KIF6: variants seen among roughly 807,000 people sequenced by gnomAD.
KIF6 encodes kinesin family member 6.
KIF6 carries 106 observed loss-of-function variants against 112.7 expected under a neutral mutation model. The observed-to-expected ratio is 0.94, with a 90% CI of 0.80 to 1.11. KIF6 has a LOEUF of 1.11. KIF6 is among the 50% of genes least tolerant of loss of function. KIF6 has a pLI of 0.00. For missense variants in KIF6, 929 were observed against 964.0 expected (o/e 0.96, Z 0.48); for synonymous variants, 339 against 339.9 (o/e 1.00, Z 0.03).
intron 3 of KIF6, among the ~76,000 whole-genome samples, chr6:39,680,233 C>A (rs891844915): frequency 6.6e-6 from 1 of 151,822 alleles, no homozygotes. Context: ...GTTTTGAACT[C>A]CTGACCTCAA....
At chr6:39,623,420 T>C (rs1411350503) in intron 5 of KIF6, among the ~76,000 whole-genome samples, 1 of 152,178 alleles carries the variant, frequency 6.6e-6, no homozygotes, top group Non-Finnish European at 1.5e-5. Context: ...AGAAACAGAT[T>C]AATAACTATC....
chr6:39,357,894 T>C (rs7747923), intron 18 of KIF6, among the ~76,000 whole-genome samples: 3 of 152,252 alleles, frequency 2.0e-5, no homozygotes, highest in Non-Finnish European at 4.4e-5. Flanking sequence ...TGGGTAATGT[T>C]TAATTTATTC....
intron 16 of KIF6, among the ~76,000 whole-genome samples, chr6:39,364,545 G>A (rs1173393474): frequency 6.6e-6 from 1 of 152,156 alleles, no homozygotes; most frequent in Non-Finnish European, 1.5e-5. Context: ...GGTCTGAAAG[G>A]TATAGAGTAG....
At chr6:39,636,995 C>T (rs746787695) in intron 4 of KIF6, among the ~76,000 whole-genome samples, 2 of 151,968 alleles carry the variant, frequency 1.3e-5, no homozygotes, top group Non-Finnish European at 1.5e-5. Flanking sequence ...AAGTGTGTGG[C>T]CCATAACAGA....
chr6:39,369,698 T>G (rs1293311141), intron 16 of KIF6, among the ~76,000 whole-genome samples: 1 of 152,148 alleles, frequency 6.6e-6, no homozygotes, highest in African/African-American at 2.4e-5. Flanking sequence ...AGGGTCAGCG[T>G]GTACTAGGGT....
chr6:39,401,419 G>A (rs1303781414), intron 15 of KIF6, among the ~76,000 whole-genome samples: 2 of 152,202 alleles, frequency 1.3e-5, no homozygotes, highest in Non-Finnish European at 2.9e-5. Context: ...TAACAGACAA[G>A]GGAAGTGAGA....
intron 3 of KIF6, among the ~76,000 whole-genome samples, chr6:39,678,962 C>T (rs1016172997): frequency 2.6e-5 from 4 of 152,146 alleles, no homozygotes; most frequent in South Asian, 2.1e-4. Context: ...AGACATTCAC[C>T]GCAGAGGAAA....
chr6:39,673,838 T>G (rs1786980128), intron 3 of KIF6, among the ~76,000 whole-genome samples: 1 of 152,154 alleles, frequency 6.6e-6, no homozygotes, highest in Non-Finnish European at 1.5e-5. Context: ...ACTTAGTGCT[T>G]AACTAAATTA....
intron 13 of KIF6, among the ~76,000 whole-genome samples, chr6:39,525,641 C>T (rs1204962365): frequency 6.6e-6 from 1 of 151,972 alleles, no homozygotes; most frequent in Non-Finnish European, 1.5e-5. Context: ...TATAATCCAG[C>T]TACTCGGGAG....
At chr6:39,462,176 A>AGAAAATGTATGAGAAC (rs1773518651) in intron 13 of KIF6, among the ~76,000 whole-genome samples, 1 of 152,178 alleles carries the variant, frequency 6.6e-6, no homozygotes. Flanking sequence ...TTATGGCCAA[A>AGAAAATGTATGAGAAC]GAAAATGTAT....
intron 13 of KIF6, among the ~76,000 whole-genome samples, chr6:39,472,768 ACT>A (rs1179200603): frequency 6.6e-6 from 1 of 151,600 alleles, no homozygotes; most frequent in African/African-American, 2.4e-5. Flanking sequence ...GGATTTACAC[ACT>A]CTCTCTGACA....
intron 10 of KIF6, among the ~76,000 whole-genome samples, chr6:39,560,793 CTAAG>C (rs773084656): frequency 1.3e-5 from 2 of 152,148 alleles, no homozygotes; most frequent in Non-Finnish European, 2.9e-5. Context: ...ATGTTGTGGG[CTAAG>C]TAAGTACCTT....
In KIF6 at chr6:39,465,304, G is replaced by A. The variant is rs150284135; in HGVS notation, c.1646-34143C>T. On this transcript the variant is annotated intron_variant, in intron 13 of 22. Transcript: ENST00000287152. The stretch of plus-strand genomic sequence containing the variant: ...CTTTGGCAAATGAAGACTTTTTGAC[G>A]TGTGACTCTGGTCTCAAGAAATCAA... 4.8e-3 allele frequency among the ~76,000 whole-genome samples: 728 copies of A among 152,276 alleles called. 6 individuals are homozygous for A. The highest frequency in any genetic ancestry group is 0.014 in the Middle Eastern group (4 of 294).
At chr6:39,557,368 T>C (rs1779760934) in intron 10 of KIF6, among the ~76,000 whole-genome samples, 2 of 152,110 alleles carry the variant, frequency 1.3e-5, no homozygotes, top group African/African-American at 4.8e-5. Flanking sequence ...AGACAGATCT[T>C]AGGATGCAAT....
chr6:39,351,061 GC>G (rs1262549808), intron 19 of KIF6, among the ~76,000 whole-genome samples: 4 of 152,132 alleles, frequency 2.6e-5, no homozygotes, highest in African/African-American at 7.2e-5. Context: ...CCTTCTGCCA[GC>G]AGTCACCGAA....
At chr6:39,422,290 C>G (rs972999438) in intron 14 of KIF6, among the ~76,000 whole-genome samples, 2 of 152,134 alleles carry the variant, frequency 1.3e-5, no homozygotes, top group African/African-American at 4.8e-5. Flanking sequence ...TTGGCGGTGC[C>G]CAGATGTGTC....
intron 13 of KIF6, among the ~76,000 whole-genome samples, chr6:39,433,709 C>T (rs1005647801): frequency 6.6e-6 from 1 of 152,198 alleles, no homozygotes; most frequent in Non-Finnish European, 1.5e-5. Context: ...TGAAGCATAG[C>T]TGGAAGGCAA....
intron 3 of KIF6, among the ~76,000 whole-genome samples, chr6:39,665,466 C>T (rs1403516824): frequency 6.6e-6 from 1 of 151,908 alleles, no homozygotes; most frequent in African/African-American, 2.4e-5. Flanking sequence ...ATTTATAACT[C>T]TAGTATTGGA....
intron 13 of KIF6, among the ~76,000 whole-genome samples, chr6:39,441,286 T>C (rs1337012613): frequency 6.6e-6 from 1 of 152,206 alleles, no homozygotes; most frequent in African/African-American, 2.4e-5. Flanking sequence ...TAGAAGCTCT[T>C]CCTTTAATAG....
Sources: gnomAD v4.1 joint callset for allele counts (sites outside exome capture counted in the v4.1 genomes callset) on GRCh38, gnomAD v4.1.1 for gene constraint, MANE v1.5 for transcripts, NCBI Gene and HGNC (gene_info 2026-07-23, HGNC 2026-07-21) for gene names.